UGT1A8: variants seen among roughly 807,000 people sequenced by gnomAD.
UGT1A8 encodes UDP-glucuronosyltransferase 1A8.
A neutral mutation model predicts 45.3 loss-of-function variants in UGT1A8; 39 were observed. The ratio of observed to expected loss-of-function variants is 0.86; its 90% CI spans 0.67 to 1.12. The LOEUF is 1.12. Among genes scored for constraint, UGT1A8 ranks in the 50% most tolerant of loss-of-function variants. UGT1A8 has a pLI of 0.00. For missense variants in UGT1A8, 719 were observed against 664.9 expected, an observed-to-expected ratio of 1.08 and a Z score of -0.90; for synonymous variants, 275 against 249.2, an observed-to-expected ratio of 1.10 and a Z score of -0.97.
At chr2:233,685,409 A>G (rs28898571) in intron 1 of UGT1A8, among the ~76,000 whole-genome samples, 2,771 of 152,310 alleles carry the variant, frequency 0.018, 88 homozygotes, top group African/African-American at 0.063. Context: ...AGCAGAATTG[A>G]TGGTTGAATC....
At chr2:233,738,718 T>G (rs912478722) in intron 1 of UGT1A8, among the ~76,000 whole-genome samples, 1 of 152,094 alleles carries the variant, frequency 6.6e-6, no homozygotes, top group Non-Finnish European at 1.5e-5. Flanking sequence ...AGCATAAAAG[T>G]TTGGAAAATT....
At chr2:233,629,344 A>G (rs1248479846) in intron 1 of UGT1A8, among the ~76,000 whole-genome samples, 1 of 151,888 alleles carries the variant, frequency 6.6e-6, no homozygotes, top group Non-Finnish European at 1.5e-5. Context: ...CATACACCAC[A>G]TTTTTGCTTG....
intron 1 of UGT1A8, among the ~76,000 whole-genome samples, chr2:233,642,324 G>A (rs4663272): frequency 0.24 from 36,981 of 152,000 alleles, 4,956 homozygotes; most frequent in East Asian, 0.51. Context: ...TCATTATGCC[G>A]ATTGCATTTT....
intron 1 of UGT1A8, among the ~76,000 whole-genome samples, chr2:233,766,787 C>G (rs1296978407): frequency 6.6e-6 from 1 of 152,170 alleles, no homozygotes; most frequent in Non-Finnish European, 1.5e-5. Flanking sequence ...TTTTGGAAAA[C>G]TAGCACATTA....
chr2:233,644,751 G>C (rs1249892264), intron 1 of UGT1A8, among the ~76,000 whole-genome samples: 1 of 152,076 alleles, frequency 6.6e-6, no homozygotes, highest in Non-Finnish European at 1.5e-5. Context: ...AGGGGGTTGG[G>C]TGACATAGGA....
In UGT1A8 at chr2:233,724,604, G is replaced by C. The variant is rs1340979109; in HGVS notation, c.856-42430G>C. Among the ~76,000 whole-genome samples the C allele has an allele frequency of 2.3e-5, 3 of 132,728 alleles. 1 individual carries two copies. Among genetic ancestry groups the C allele is most frequent in the Non-Finnish European group, 4.8e-5 (3 of 62,762 alleles). 87.1% of individuals were successfully genotyped at this position (132,728 alleles called of 152,430 possible). On this transcript the variant is annotated intron_variant, in intron 1 of 4. Transcript: ENST00000373450. ...GCTCCCCACATCTCAGACGATGGGCGGCCGGGCAGAGACGCTCCTCACTTC... is the reference window on the plus strand; with the variant it reads ...GCTCCCCACATCTCAGACGATGGGCCGCCGGGCAGAGACGCTCCTCACTTC...
At chr2:233,737,218 C>T (rs1437644428) in intron 1 of UGT1A8, among the ~76,000 whole-genome samples, 1 of 152,212 alleles carries the variant, frequency 6.6e-6, no homozygotes, top group African/African-American at 2.4e-5. Context: ...CTGTTCAGTT[C>T]CAGCTTCCTG....
chr2:233,630,896 T>C (rs2125454465), intron 1 of UGT1A8, among the ~76,000 whole-genome samples: 1 of 151,884 alleles, frequency 6.6e-6, no homozygotes. Flanking sequence ...GCAGGTTTGT[T>C]ACATAGGTAT....
At chr2:233,733,206 G>C (rs1439179922) in intron 1 of UGT1A8, among the ~76,000 whole-genome samples, 1 of 152,146 alleles carries the variant, frequency 6.6e-6, no homozygotes, top group Non-Finnish European at 1.5e-5. Context: ...AGGAGACTTT[G>C]GGCTGAGACA....
intron 1 of UGT1A8, among the ~76,000 whole-genome samples, chr2:233,686,266 A>G (rs1342619965): frequency 6.6e-6 from 1 of 151,776 alleles, no homozygotes; most frequent in Non-Finnish European, 1.5e-5. Context: ...TTTTTCTTGT[A>G]CCAAAAGTAC....
intron 1 of UGT1A8, among the ~76,000 whole-genome samples, chr2:233,645,624 G>A (rs939196141): frequency 6.6e-6 from 1 of 152,214 alleles, no homozygotes; most frequent in Admixed American, 6.5e-5. Flanking sequence ...AAATCCGGCA[G>A]GGCAGTCAAA....
rs1464490488 is a variant in UGT1A8 at position 233,772,373 on chromosome 2, A to C, written c.1407A>C (p.Pro469=). 1.2e-6 allele frequency: 2 copies of C among 1,614,108 alleles called. No individual in the cohort carries two copies. The highest frequency in any genetic ancestry group is 2.2e-5 in the East Asian group (1 of 44,894). Reference sequence around the variant, plus strand: ...TTGTGATGAGGCACAAGGGCGCGCCACACCTGCGCCCCGCAGCCCACGACC... The same window carrying C: ...TTGTGATGAGGCACAAGGGCGCGCCCCACCTGCGCCCCGCAGCCCACGACC... ...VEFVMRHKGA[P]HLRPAAHDLT... The change falls in exon 5 of 5, where the codon CCA becomes CCC. Residue 469 remains proline, a synonymous_variant. Transcript: ENST00000373450.
intron 1 of UGT1A8, among the ~76,000 whole-genome samples, chr2:233,717,303 C>T (rs1470939533): frequency 6.6e-6 from 1 of 152,168 alleles, no homozygotes; most frequent in East Asian, 1.9e-4. Context: ...AGCTGAGAAT[C>T]CCTTTCTAGC....
At position 233,700,867 on chromosome 2, in the gene UGT1A8, C is replaced by A. The variant is rs971203472; in HGVS notation, c.856-66167C>A. ...AGGTATATCTCCTAATGCTATCCCT[C>A]CCTCCTCCCCCCACCCCACAACAGT... is the stretch of plus-strand genomic sequence containing the variant. On this transcript the variant is annotated intron_variant, in intron 1 of 4. Coordinates refer to ENST00000373450, the MANE Select transcript of UGT1A8 (RefSeq NM_019076.5). Among the ~76,000 whole-genome samples, 16 of 151,914 alleles carry A rather than the reference C, an allele frequency of 1.1e-4. No individual in the cohort carries two copies. The East Asian group carries it at 2.7e-3, about 26-fold the overall frequency.
intron 1 of UGT1A8, among the ~76,000 whole-genome samples, chr2:233,712,775 T>G (rs1217639688): frequency 6.6e-6 from 1 of 151,950 alleles, no homozygotes; most frequent in Admixed American, 6.6e-5. Context: ...TCAGATGAGT[T>G]TTTCAAGATA....
At chr2:233,633,491 G>C (rs778663954) in intron 1 of UGT1A8, among the ~76,000 whole-genome samples, 1 of 152,162 alleles carries the variant, frequency 6.6e-6, no homozygotes, top group Non-Finnish European at 1.5e-5. Context: ...TTCAAAACCT[G>C]TTATTGGTCT....
At chr2:233,736,915 T>A (rs1289213443) in intron 1 of UGT1A8, among the ~76,000 whole-genome samples, 1 of 152,142 alleles carries the variant, frequency 6.6e-6, no homozygotes, top group African/African-American at 2.4e-5. Context: ...GGAAGCTTCA[T>A]ACCAGAGGCG....
At chr2:233,700,602 C>G (rs2075575052) in intron 1 of UGT1A8, among the ~76,000 whole-genome samples, 1 of 151,936 alleles carries the variant, frequency 6.6e-6, no homozygotes, top group Non-Finnish European at 1.5e-5. Context: ...ACAATTCACT[C>G]TTTTTTTGGG....
chr2:233,713,462 C>G (rs146711966), intron 1 of UGT1A8: 1 of 1,614,090 alleles, frequency 6.2e-7, no homozygotes, highest in Admixed American at 1.7e-5. Flanking sequence ...TTCACCTCTG[C>G]GCGGCGGTGC....
Sources: gnomAD v4.1 joint callset for allele counts (sites outside exome capture counted in the v4.1 genomes callset) on GRCh38, gnomAD v4.1.1 for gene constraint, MANE v1.5 for transcripts, NCBI Gene and HGNC (gene_info 2026-07-23, HGNC 2026-07-21) for gene names.